Variants in FBXW11 observed in about 807,000 individuals in gnomAD.
FBXW11 encodes the protein F-box and WD repeat domain containing 11.
FBXW11 carries 19 observed loss-of-function variants against 77.6 expected under a neutral mutation model. That is an observed-to-expected ratio of 0.24 (90% CI 0.17 to 0.36). FBXW11 has a LOEUF of 0.36. FBXW11 is among the 10% of genes least tolerant of loss of function. The pLI, the probability that FBXW11 is intolerant of heterozygous loss-of-function variation, is 1.00. For synonymous variants in FBXW11, 235 were observed against 249.4 expected, an observed-to-expected ratio of 0.94 and a Z score of 0.54; for missense variants, 334 against 704.2, an observed-to-expected ratio of 0.47 and a Z score of 5.95.
intron 10 of FBXW11, among the ~76,000 whole-genome samples, chr5:171,872,633 A>G (rs796480875): frequency 9.2e-5 from 14 of 152,344 alleles, no homozygotes; most frequent in African/African-American, 3.4e-4. Flanking sequence ...AAGTGATCCC[A>G]GGTGGAGCTG....
At chr5:171,968,821 C>G (rs1481153276) in intron 1 of FBXW11, among the ~76,000 whole-genome samples, 1 of 152,178 alleles carries the variant, frequency 6.6e-6, no homozygotes, top group East Asian at 1.9e-4. Context: ...CTCCTTCTAC[C>G]CACCATCATG....
At chr5:171,964,119 G>A (rs1043442044) in intron 1 of FBXW11, among the ~76,000 whole-genome samples, 6 of 152,200 alleles carry the variant, frequency 3.9e-5, no homozygotes, top group Admixed American at 3.9e-4. Flanking sequence ...CTATAAGATA[G>A]CAGCTCATTT....
At chr5:171,864,966 A>G (rs986555712) in intron 13 of FBXW11, among the ~76,000 whole-genome samples, 1 of 150,084 alleles carries the variant, frequency 6.7e-6, no homozygotes, top group Non-Finnish European at 1.5e-5. Context: ...TAGGTGGCAA[A>G]AAAAAAAAAA....
At chr5:171,922,060 G>C (rs1360234287) in intron 2 of FBXW11, among the ~76,000 whole-genome samples, 1 of 140,186 alleles carries the variant, frequency 7.1e-6, no homozygotes, top group Admixed American at 7.0e-5. Context: ...GGGAAAAGTT[G>C]GAAACAAACA....
intron 2 of FBXW11, among the ~76,000 whole-genome samples, chr5:171,920,414 T>C (rs1761524952): frequency 9.4e-6 from 1 of 106,670 alleles, no homozygotes; most frequent in African/African-American, 3.0e-5. Flanking sequence ...CACACCGCTA[T>C]TTAAAAAAAA....
In FBXW11 at chr5:171,966,865, C is replaced by T. The variant is rs564000825; in HGVS notation, c.46-9167G>A. On this transcript the variant is annotated intron_variant, in intron 1 of 13. Transcript: ENST00000517395. ...GGGGTACAAAGTGAGTACCCTATGG[C>T]TATACCGTACTCATTAACTCTCATA... Among the ~76,000 whole-genome samples, 4 of 152,262 alleles carry T rather than the reference C, an allele frequency of 2.6e-5. No individual in the cohort carries two copies. In the South Asian group the frequency reaches 8.3e-4, roughly 32 times the overall value.
intron 7 of FBXW11, among the ~76,000 whole-genome samples, chr5:171,881,539 T>C (rs922353277): frequency 5.3e-5 from 8 of 152,374 alleles, no homozygotes; most frequent in Admixed American, 5.2e-4. Context: ...TATTGGTCTG[T>C]GGTTTTCTTT....
intron 4 of FBXW11, 85 bp from the exon 5 acceptor site, chr5:171,900,185 A>C (rs1441249689): frequency 4.2e-6 from 5 of 1,200,300 alleles, no homozygotes; most frequent in Non-Finnish European, 5.8e-6. Flanking sequence ...AGAGGAATAA[A>C]GAAATCCTGA....
chr5:171,934,564 C>T (rs1454080335), intron 2 of FBXW11, among the ~76,000 whole-genome samples: 1 of 151,276 alleles, frequency 6.6e-6, no homozygotes, highest in African/African-American at 2.4e-5. Context: ...GAAGTTACAG[C>T]TACTTGGGAG....
chr5:171,894,752 T>C (rs1759624636), intron 6 of FBXW11, among the ~76,000 whole-genome samples: 1 of 149,686 alleles, frequency 6.7e-6, no homozygotes, highest in South Asian at 2.1e-4. Context: ...CCCACTGTGG[T>C]AGAAAATACC....
At chr5:171,946,352 G>T (rs1232808962) in intron 2 of FBXW11, among the ~76,000 whole-genome samples, 1 of 152,172 alleles carries the variant, frequency 6.6e-6, no homozygotes, top group Non-Finnish European at 1.5e-5. Context: ...TGTCTACACA[G>T]CAGGTAGAGG....
At position 171,876,863 on chromosome 5, in the gene FBXW11, T is replaced by C. The variant is rs1758114375; in HGVS notation, c.972-329A>G. On this transcript the variant is annotated intron_variant, in intron 8 of 13. Coordinates refer to ENST00000517395, the MANE Select transcript of FBXW11 (RefSeq NM_001378974.1). This position sits in a 1 kb window ranked among gnomAD's most constrained non-coding sequence, Gnocchi z 4.2. ...TCTCTCACATGTGATCTGCACATGC[T>C]GGCTCCCCTTTGCCTTCTGCCATGA... Among the ~76,000 whole-genome samples, 1 of 152,230 alleles carries C rather than the reference T, an allele frequency of 6.6e-6. No homozygotes were observed. The highest frequency in any genetic ancestry group is 2.1e-4 in the South Asian group (1 of 4,834).
chr5:171,897,733 CTT>C (rs1357782433), intron 6 of FBXW11, among the ~76,000 whole-genome samples: 1 of 151,480 alleles, frequency 6.6e-6, no homozygotes, highest in Non-Finnish European at 1.5e-5. Context: ...CTGGAAATAA[CTT>C]TGTAAATAGT....
chr5:171,971,942 T>C (rs556257240), intron 1 of FBXW11, among the ~76,000 whole-genome samples: 1 of 145,426 alleles, frequency 6.9e-6, no homozygotes, highest in Non-Finnish European at 1.5e-5. Context: ...CGAGATTGTG[T>C]TATTGCATTC....
At chr5:171,878,983 A>C (rs1239946133) in intron 7 of FBXW11, among the ~76,000 whole-genome samples, 2 of 152,216 alleles carry the variant, frequency 1.3e-5, no homozygotes, top group Non-Finnish European at 2.9e-5. Context: ...TTAATGAGAA[A>C]ATATCATGCT....
intron 1 of FBXW11, among the ~76,000 whole-genome samples, chr5:171,998,269 C>T (rs1766180248): frequency 6.6e-6 from 1 of 151,408 alleles, no homozygotes; most frequent in African/African-American, 2.4e-5. Context: ...TAGATCTTGC[C>T]ACTTAAAAAA....
intron 1 of FBXW11, among the ~76,000 whole-genome samples, chr5:172,002,813 C>T (rs1486047207): frequency 6.6e-6 from 1 of 150,468 alleles, no homozygotes; most frequent in African/African-American, 2.5e-5. Flanking sequence ...TCCTCCCCAC[C>T]TCAGGCTCCT....
At chr5:171,896,114 T>C (rs1759726128) in intron 6 of FBXW11, among the ~76,000 whole-genome samples, 2 of 152,166 alleles carry the variant, frequency 1.3e-5, no homozygotes, top group South Asian at 2.1e-4. Flanking sequence ...GGTGGGTCAA[T>C]GTAGAAGCGC....
intron 3 of FBXW11, among the ~76,000 whole-genome samples, chr5:171,912,215 T>A (rs1474862391): frequency 6.6e-6 from 1 of 152,214 alleles, no homozygotes; most frequent in East Asian, 1.9e-4. Flanking sequence ...TTTAGAGGTA[T>A]GAGATGGGAA....
Sources: gnomAD v4.1 joint callset for allele counts (sites outside exome capture counted in the v4.1 genomes callset) on GRCh38, gnomAD v4.1.1 for gene constraint, Gnocchi (gnomAD v3.1) non-coding constraint, MANE v1.5 for transcripts, NCBI Gene and HGNC (gene_info 2026-07-23, HGNC 2026-07-21) for gene names.